The following OSBPL6 variants were observed in gnomAD, a reference collection of about 807,000 sequenced individuals.
OSBPL6 encodes the protein oxysterol-binding protein-related protein 6.
In OSBPL6, 49 loss-of-function variants were observed where a neutral mutation model predicts 125.8. The observed-to-expected ratio is 0.39, with a 90% CI of 0.31 to 0.49. The LOEUF (loss-of-function observed/expected upper bound fraction) is 0.49, where lower values mean the gene tolerates loss of function less well. Among genes scored for constraint, OSBPL6 ranks in the 20% least tolerant of loss-of-function variants. The pLI, the probability that OSBPL6 is intolerant of heterozygous loss-of-function variation, is 0.88. For missense variants in OSBPL6, 986 were observed against 1,135.4 expected, an observed-to-expected ratio of 0.87 and a Z score of 1.89; for synonymous variants, 394 against 391.8, an observed-to-expected ratio of 1.01 and a Z score of -0.07.
At chr2:178,332,564 T>C (rs1689297713) in intron 6 of OSBPL6, 77 bp from the exon 7 acceptor site, 1 of 1,040,204 alleles carries the variant, frequency 9.6e-7, no homozygotes, top group Non-Finnish European at 1.5e-6. Context: ...AAAGATTACT[T>C]TGAGTTCACT....
chr2:178,225,003 T>TTC (rs10679680), intron 1 of OSBPL6, among the ~76,000 whole-genome samples: 118,338 of 148,496 alleles, frequency 0.8, 47,433 homozygotes, highest in Non-Finnish European at 0.86. Context: ...CTCTCTCTCT[T>TTC]TCTCTCTCTC....
chr2:178,327,083 A>G lies in OSBPL6; in HGVS notation c.196-1173A>G, dbSNP rs192892922. Among the ~76,000 whole-genome samples the G allele has an allele frequency of 1.4e-3, 205 of 149,534 alleles. 2 individuals carry two copies. The highest frequency in any genetic ancestry group is 5.1e-3 in the African/African-American group (200 of 38,954). The stretch of plus-strand genomic sequence containing the variant: ...TGTACACTGCTTGGGTGATGGGTGC[A>G]CCAAAGTCTCAGAAATCACCACTAA... On this transcript the variant is annotated intron_variant, in intron 4 of 24. Coordinates refer to ENST00000190611, the MANE Select transcript of OSBPL6 (RefSeq NM_032523.4).
chr2:178,235,398 C>CTTTTTTTTTTTTTTTTTTTTT (rs540269327), intron 1 of OSBPL6, among the ~76,000 whole-genome samples: 13 of 78,026 alleles, frequency 1.7e-4, no homozygotes, highest in Non-Finnish European at 2.7e-4. Context: ...CTTTTCTTTT[C>CTTTTTTTTTTTTTTTTTTTTT]TTTTTTTTTT....
intron 1 of OSBPL6, among the ~76,000 whole-genome samples, chr2:178,263,906 T>C (rs185369758): frequency 2.3e-4 from 35 of 152,128 alleles, no homozygotes; most frequent in African/African-American, 8.4e-4. Context: ...TAAAACTGCC[T>C]CAGGATCCCT....
intron 1 of OSBPL6, among the ~76,000 whole-genome samples, chr2:178,226,249 T>C (rs1408162556): frequency 6.6e-6 from 1 of 152,180 alleles, no homozygotes; most frequent in South Asian, 2.1e-4. Context: ...GCCAAAGCCC[T>C]CTGGAAGCCA....
chr2:178,273,620 A>C (rs982799899), intron 1 of OSBPL6, among the ~76,000 whole-genome samples: 1 of 152,150 alleles, frequency 6.6e-6, no homozygotes, highest in Non-Finnish European at 1.5e-5. Context: ...ATTTTAACCT[A>C]AGGTCTGATT....
At chr2:178,370,498 G>T (rs1360817311) in intron 13 of OSBPL6, among the ~76,000 whole-genome samples, 1 of 152,186 alleles carries the variant, frequency 6.6e-6, no homozygotes, top group Non-Finnish European at 1.5e-5. Context: ...TAAGAGTAAT[G>T]CAGTGTCGTT....
At chr2:178,346,013 GA>G (rs200380280) in intron 11 of OSBPL6, among the ~76,000 whole-genome samples, 3,741 of 152,294 alleles carry the variant, frequency 0.025, 149 homozygotes, top group African/African-American at 0.084. Context: ...CATGTAGTAA[GA>G]AAAGCTACTG....
chr2:178,364,029 C>G (rs1374574356), intron 13 of OSBPL6, among the ~76,000 whole-genome samples: 1 of 152,174 alleles, frequency 6.6e-6, no homozygotes, highest in Non-Finnish European at 1.5e-5. Flanking sequence ...AGTGTGGACT[C>G]CCTTTTGGAA....
chr2:178,318,981 A>G (rs923793116), intron 3 of OSBPL6, among the ~76,000 whole-genome samples: 3 of 152,200 alleles, frequency 2.0e-5, no homozygotes, highest in African/African-American at 7.2e-5. Context: ...CTACCCTGTG[A>G]CTTGCAGTGT....
At position 178,230,909 on chromosome 2, in the gene OSBPL6, G is replaced by A. The variant is rs575613309; in HGVS notation, c.-351+36235G>A. The stretch of plus-strand genomic sequence containing the variant: ...GCTTTCACTTTCTGATTTATAATTA[G>A]CACTATAGTGAACATAGATATACAT... On this transcript the variant is annotated intron_variant, in intron 1 of 24. Coordinates refer to ENST00000190611, the MANE Select transcript of OSBPL6 (RefSeq NM_032523.4). Among the ~76,000 whole-genome samples, 4 of 152,242 alleles carry A rather than the reference G, an allele frequency of 2.6e-5. No individual in the cohort carries two copies. In the South Asian group the frequency reaches 8.3e-4, roughly 32 times the overall value.
In OSBPL6 at chr2:178,396,577, G is replaced by A. The variant is rs1695857746; in HGVS notation, c.*1018G>A. On this transcript the variant is annotated 3_prime_UTR_variant, in exon 25 of 25. Coordinates refer to ENST00000190611, the MANE Select transcript of OSBPL6 (RefSeq NM_032523.4). The stretch of plus-strand genomic sequence containing the variant: ...TTGAGTGAAGCACCATGTAATCCAT[G>A]TCTCAATCCCATGCCCGCTCCACTG... 6.6e-6 allele frequency: 1 copy of A among 152,190 alleles called. No homozygotes were observed. The highest frequency in any genetic ancestry group is 1.5e-5 in the Non-Finnish European group (1 of 68,032). The allele number at this position is 152,190 out of a possible 1,614,324, so 9.4% of individuals were successfully genotyped here.
chr2:178,218,750 C>A (rs1385050315), intron 1 of OSBPL6, among the ~76,000 whole-genome samples: 1 of 151,892 alleles, frequency 6.6e-6, no homozygotes, highest in Non-Finnish European at 1.5e-5. Flanking sequence ...CTGCCTCAGC[C>A]TCCCGAATAG....
intron 8 of OSBPL6, among the ~76,000 whole-genome samples, 164 bp from the exon 9 acceptor site, chr2:178,336,137 G>A (rs927156508): frequency 2.0e-4 from 30 of 152,280 alleles, no homozygotes; most frequent in South Asian, 6.2e-4. Context: ...TAGGAATGTC[G>A]CCCTCACTGG....
intron 13 of OSBPL6, among the ~76,000 whole-genome samples, chr2:178,368,927 G>C (rs1403852387): frequency 6.6e-6 from 1 of 151,836 alleles, no homozygotes; most frequent in Non-Finnish European, 1.5e-5. Context: ...CTCCTGAGTA[G>C]CTGGGACTAT....
intron 1 of OSBPL6, among the ~76,000 whole-genome samples, chr2:178,257,134 C>G (rs2091912373): frequency 6.6e-6 from 1 of 152,156 alleles, no homozygotes; most frequent in East Asian, 1.9e-4. Flanking sequence ...TCTATTACCC[C>G]CAATGTAATT....
chr2:178,223,473 G>C (rs2090425776), intron 1 of OSBPL6, among the ~76,000 whole-genome samples: 2 of 152,196 alleles, frequency 1.3e-5, no homozygotes, highest in African/African-American at 4.8e-5. Context: ...TGTATTGTTA[G>C]TTAAGTGGGT....
At chr2:178,300,194 T>C (rs1157917176) in intron 2 of OSBPL6, among the ~76,000 whole-genome samples, 13 of 152,230 alleles carry the variant, frequency 8.5e-5, no homozygotes. Context: ...TTCTTACAAT[T>C]TGTCCTCACA....
At chr2:178,265,003 C>T (rs2092184032) in intron 1 of OSBPL6, among the ~76,000 whole-genome samples, 1 of 151,718 alleles carries the variant, frequency 6.6e-6, no homozygotes, top group African/African-American at 2.4e-5. Flanking sequence ...AGTCCTCCTG[C>T]CTCAGCCTCC....
Sources: allele counts gnomAD v4.1 joint callset (sites outside exome capture counted in the v4.1 genomes callset), GRCh38; gene constraint gnomAD v4.1.1; transcripts MANE v1.5; gene names NCBI Gene and HGNC (gene_info 2026-07-23, HGNC 2026-07-21).